The following CD99 variants were observed in gnomAD, a reference collection of about 807,000 sequenced individuals.
CD99 encodes the protein CD99 molecule (Xg blood group).
Under a neutral mutation model 28.4 loss-of-function variants are expected in CD99, and 19 were observed. That is an observed-to-expected ratio of 0.67 (90% CI 0.47 to 0.98). CD99 has a LOEUF of 0.98. Ranked by LOEUF, CD99 falls within the 50% of genes least tolerant of loss-of-function variation. The pLI, the probability that CD99 is intolerant of heterozygous loss-of-function variation, is 0.00. For missense variants in CD99, 283 were observed against 248.8 expected (o/e 1.14, Z -0.92); for synonymous variants, 103 against 92.1 (o/e 1.12, Z -0.67).
At chrX:2,695,889 C>T (rs2047552742) in intron 1 of CD99, among the ~76,000 whole-genome samples, 1 of 152,186 alleles carries the variant, frequency 6.6e-6, no homozygotes, top group Non-Finnish European at 1.5e-5. Flanking sequence ...CCACCTTGGC[C>T]TCCCAAAGTG....
intron 8 of CD99, among the ~76,000 whole-genome samples, chrX:2,729,519 A>G (rs1365276339): frequency 5.3e-5 from 8 of 152,156 alleles, no homozygotes; most frequent in Admixed American, 6.6e-5. Context: ...GCTATGGTTC[A>G]GTGACCCCAA....
intron 8 of CD99, among the ~76,000 whole-genome samples, chrX:2,729,899 TC>T (rs2049501667): frequency 6.6e-6 from 1 of 152,104 alleles, no homozygotes; most frequent in Non-Finnish European, 1.5e-5. Context: ...ACACCTGTAA[TC>T]CCAGTGCTTT....
chrX:2,719,566 G>A, intron 3 of CD99, 95 bp from the exon 4 acceptor site: 1 of 961,290 alleles, frequency 1.0e-6, no homozygotes, highest in South Asian at 1.3e-5. Context: ...ATTTAGGAAT[G>A]TGGGGCCGTG....
intron 8 of CD99, among the ~76,000 whole-genome samples, chrX:2,728,923 C>T (rs1238961442): frequency 2.3e-5 from 3 of 128,022 alleles, no homozygotes; most frequent in Non-Finnish European, 4.8e-5. Context: ...TGCAACCTCG[C>T]GGGTTCAAGC....
chrX:2,738,592 G>T lies in CD99; in HGVS notation c.532+336G>T, dbSNP rs1399056996. Among the ~76,000 whole-genome samples, 4 of 151,994 alleles carry T rather than the reference G, an allele frequency of 2.6e-5. No homozygotes were observed. The East Asian group carries it at 7.8e-4, about 30-fold the overall frequency. ...AATACAAAATTAGCTGAGTGTGGTG[G>T]TGGGCGCCTGTAATCCCAGCTACTT... On this transcript the variant is annotated intron_variant, in intron 9 of 9. Coordinates refer to ENST00000381192, the MANE Select transcript of CD99 (RefSeq NM_002414.5).
chrX:2,708,032 T>C, intron 1 of CD99, among the ~76,000 whole-genome samples: 1 of 152,178 alleles, frequency 6.6e-6, no homozygotes, highest in East Asian at 1.9e-4. Context: ...TACTGACTGA[T>C]GATCATTGAT....
chrX:2,717,333 G>A, intron 2 of CD99: 1 of 431,764 alleles, frequency 2.3e-6, no homozygotes, highest in East Asian at 3.9e-5. Flanking sequence ...GGGTAACAGA[G>A]CAAGACTTGG....
intron 8 of CD99, among the ~76,000 whole-genome samples, chrX:2,732,915 T>C (rs1487280854): frequency 6.7e-6 from 1 of 148,384 alleles, no homozygotes; most frequent in African/African-American, 2.5e-5. Context: ...CTTTCCTTCC[T>C]TCCTTCCCTT....
chrX:2,737,448 T>G (rs2124318092), intron 8 of CD99, among the ~76,000 whole-genome samples: 1 of 151,504 alleles, frequency 6.6e-6, no homozygotes, highest in African/African-American at 2.4e-5. Context: ...GTGGTGGGAT[T>G]ACAGGTGTGA....
At chrX:2,693,540 G>C (rs188306161) in intron 1 of CD99, among the ~76,000 whole-genome samples, 1 of 152,060 alleles carries the variant, frequency 6.6e-6, no homozygotes, top group African/African-American at 2.4e-5. Flanking sequence ...ACGTTTCATC[G>C]GGAAAGTTGA....
intron 1 of CD99, among the ~76,000 whole-genome samples, chrX:2,708,657 A>G (rs933513634): frequency 6.6e-6 from 1 of 152,140 alleles, no homozygotes; most frequent in Admixed American, 6.5e-5. Context: ...CGAGTTCTCC[A>G]AGGACTAGGG....
chrX:2,724,406 G>A (rs1034493385), intron 7 of CD99, among the ~76,000 whole-genome samples: 5 of 152,138 alleles, frequency 3.3e-5, no homozygotes, highest in East Asian at 3.8e-4. Flanking sequence ...CTTCCCCGTC[G>A]TGGAGGGCGG....
chrX:2,698,048 C>T (rs940398365), intron 1 of CD99, among the ~76,000 whole-genome samples: 7 of 151,910 alleles, frequency 4.6e-5, no homozygotes, highest in East Asian at 1.9e-4. Context: ...ACATAGCATC[C>T]GATAGACAGA....
At chrX:2,692,214 C>T (rs2047345181) in intron 1 of CD99, 3 of 445,102 alleles carry the variant, frequency 6.7e-6, no homozygotes, top group Admixed American at 3.9e-5. Flanking sequence ...GAGACCCTGC[C>T]GGATGTGGTA....
chrX:2,708,865 G>A (rs2048245841), intron 1 of CD99, among the ~76,000 whole-genome samples: 2 of 152,158 alleles, frequency 1.3e-5, no homozygotes, highest in South Asian at 4.1e-4. Context: ...GCTTGCCTGG[G>A]GGTGACACTG....
At chrX:2,720,029 C>G (rs1376080978) in intron 4 of CD99, among the ~76,000 whole-genome samples, 1 of 152,132 alleles carries the variant, frequency 6.6e-6, no homozygotes, top group African/African-American at 2.4e-5. Context: ...GGCATGGGAA[C>G]CATACTGGTT....
intron 2 of CD99, among the ~76,000 whole-genome samples, chrX:2,716,112 G>A (rs762626893): frequency 1.3e-4 from 19 of 151,284 alleles, no homozygotes; most frequent in African/African-American, 4.4e-4. Context: ...TCTGCCTCCC[G>A]GGTTCAAGTG....
intron 1 of CD99, among the ~76,000 whole-genome samples, chrX:2,711,086 T>A (rs960525320): frequency 1.3e-4 from 19 of 150,884 alleles, no homozygotes; most frequent in Non-Finnish European, 2.5e-4. Context: ...TTGGTTGGGC[T>A]GGTCTCGAAC....
At chrX:2,716,180 A>G (rs1432653068) in intron 2 of CD99, among the ~76,000 whole-genome samples, 2 of 151,732 alleles carry the variant, frequency 1.3e-5, no homozygotes, top group South Asian at 2.1e-4. Context: ...CACCATGCCT[A>G]GCTAGTTTTT....
Sources: allele counts gnomAD v4.1 joint callset (sites outside exome capture counted in the v4.1 genomes callset), GRCh38; gene constraint gnomAD v4.1.1; transcripts MANE v1.5; gene names NCBI Gene and HGNC (gene_info 2026-07-23, HGNC 2026-07-21).